B4GALNT3: variants seen among roughly 807,000 people sequenced by gnomAD.
The protein encoded by B4GALNT3 is beta-1,4-N-acetylgalactosaminyltransferase 3.
Under a neutral mutation model 120.2 loss-of-function variants are expected in B4GALNT3, and 86 were observed. The observed-to-expected ratio is 0.72, with a 90% CI of 0.60 to 0.86. The LOEUF (loss-of-function observed/expected upper bound fraction) is 0.86. Ranked by LOEUF, B4GALNT3 falls within the 40% of genes least tolerant of loss-of-function variation. The pLI is 0.00. For missense variants in B4GALNT3, 1,167 were observed against 1,298.9 expected (o/e 0.90, Z 1.56); for synonymous variants, 518 against 510.4 (o/e 1.01, Z -0.20).
At chr12:508,899 G>A (rs1197262378) in intron 1 of B4GALNT3, among the ~76,000 whole-genome samples, 1 of 152,220 alleles carries the variant, frequency 6.6e-6, no homozygotes, top group Admixed American at 6.5e-5. Flanking sequence ...GGGAACCAGG[G>A]TCTTTTCCTC....
At chr12:537,963 T>C (rs1355317512) in intron 3 of B4GALNT3, among the ~76,000 whole-genome samples, 1 of 152,148 alleles carries the variant, frequency 6.6e-6, no homozygotes, top group Non-Finnish European at 1.5e-5. Context: ...TGGGAGAGGA[T>C]GGATTACAAT....
intron 1 of B4GALNT3, among the ~76,000 whole-genome samples, chr12:462,563 A>G (rs971339462): frequency 6.6e-6 from 1 of 151,626 alleles, no homozygotes; most frequent in African/African-American, 2.4e-5. Flanking sequence ...TTCCAAACCA[A>G]TTATCCAGAA....
At chr12:557,539 G>A (rs879879604) in intron 15 of B4GALNT3, 69 bp from the exon 16 acceptor site, 1 of 1,519,444 alleles carries the variant, frequency 6.6e-7, no homozygotes. Flanking sequence ...GGAGCTGGGG[G>A]TGGAGGCGCT....
rs766741549 is a variant in B4GALNT3, at chr12:557,595, C to A, written c.2381-13C>A. 2 of 1,602,352 alleles carry A rather than the reference C, an allele frequency of 1.2e-6. No individual in the cohort carries two copies. Among genetic ancestry groups the A allele is most frequent in the South Asian group, 1.1e-5 (1 of 89,400 alleles). On this transcript the variant is annotated splice_polypyrimidine_tract_variant and intron_variant, in intron 15 of 19. Coordinates refer to ENST00000266383, the MANE Select transcript of B4GALNT3 (RefSeq NM_173593.4). ...GTCTGTGTTTCCTTCTCCTGCCTGA[C>A]CCCCTGGGGTAGTGAAGAACCAGGC...
intron 1 of B4GALNT3, among the ~76,000 whole-genome samples, chr12:489,226 C>T (rs1946318672): frequency 6.6e-6 from 1 of 150,838 alleles, no homozygotes. Flanking sequence ...GTATGCAGGG[C>T]TTAAAATCTA....
At chr12:468,840 G>C (rs948653685) in intron 1 of B4GALNT3, among the ~76,000 whole-genome samples, 1 of 152,298 alleles carries the variant, frequency 6.6e-6, no homozygotes, top group Non-Finnish European at 1.5e-5. Flanking sequence ...CAGAGGCTAT[G>C]TGTGTGTCTC....
intron 19 of B4GALNT3, among the ~76,000 whole-genome samples, chr12:560,027 G>C (rs1947209378): frequency 6.6e-6 from 1 of 152,222 alleles, no homozygotes; most frequent in Non-Finnish European, 1.5e-5. Context: ...AGGTGGACAA[G>C]GAGAGCAAGA....
At chr12:481,571 C>A (rs1322985650) in intron 1 of B4GALNT3, among the ~76,000 whole-genome samples, 1 of 152,228 alleles carries the variant, frequency 6.6e-6, no homozygotes, top group African/African-American at 2.4e-5. Flanking sequence ...TGAGGCCAGG[C>A]AGACAGGCCC....
chr12:536,534 G>A (rs978359582), intron 3 of B4GALNT3, among the ~76,000 whole-genome samples: 2 of 152,218 alleles, frequency 1.3e-5, no homozygotes, highest in African/African-American at 4.8e-5. Context: ...TGTTTTTAGA[G>A]AAGGGGTCTC....
chr12:514,739 A>T (rs1946635633), intron 1 of B4GALNT3, among the ~76,000 whole-genome samples: 1 of 152,072 alleles, frequency 6.6e-6, no homozygotes, highest in South Asian at 2.1e-4. Flanking sequence ...TTAAGAACAC[A>T]AATTCTGGGC....
Position 561,646 on chromosome 12 carries a change from C to G in B4GALNT3, c.*195C>G. On this transcript the variant is annotated 3_prime_UTR_variant, in exon 20 of 20. Transcript: ENST00000266383. ...GGGCTCCTGTCTCTGCCTCCTGGGC[C>G]TTCAGAAGGGAGGACTTTGAGAGAG... 4 of 570,538 alleles carry G rather than the reference C, an allele frequency of 7.0e-6. No homozygotes were observed. In the East Asian group the frequency reaches 1.2e-4, roughly 16 times the overall value. The allele number at this position is 570,538 out of a possible 1,614,324, so 35.3% of individuals were successfully genotyped here.
chr12:538,492 A>G (rs950487812), intron 3 of B4GALNT3, among the ~76,000 whole-genome samples: 1 of 150,786 alleles, frequency 6.6e-6, no homozygotes. Context: ...GTAGGCAGTT[A>G]AGGCTTCAGT....
At chr12:526,161 AATGTCTCC>A (rs1946757356) in intron 1 of B4GALNT3, among the ~76,000 whole-genome samples, 1 of 152,130 alleles carries the variant, frequency 6.6e-6, no homozygotes, top group Non-Finnish European at 1.5e-5. Context: ...GGTGGAGCTG[AATGTCTCC>A]ATTGGTGCTT....
intron 1 of B4GALNT3, among the ~76,000 whole-genome samples, chr12:469,917 G>A (rs1946118902): frequency 6.6e-6 from 1 of 152,136 alleles, no homozygotes; most frequent in South Asian, 2.1e-4. Context: ...CTTCCAAAGT[G>A]CTGAGATTAC....
Position 547,976 on chromosome 12 carries a change from A to G in B4GALNT3, c.708-48A>G, listed in dbSNP as rs1405383595. The G allele has an allele frequency of 2.6e-6, 4 of 1,539,866 alleles. No individual in the cohort carries two copies. The African/African-American group carries it at 5.5e-5, about 21-fold the overall frequency. On this transcript the variant is annotated intron_variant, in intron 7 of 19. Coordinates refer to ENST00000266383, the MANE Select transcript of B4GALNT3 (RefSeq NM_173593.4). ...GGGGGTGGGACAGAGCCGCGACCCC[A>G]GGGCCCATGGAGATGGCGCTCTGCT...
chr12:460,976 G>GCGCGCTCCAGTC lies in B4GALNT3; in HGVS notation c.169+437_169+448dup, dbSNP rs1300268057. On this transcript the variant is annotated intron_variant, in intron 1 of 19. Transcript: ENST00000266383. The surrounding 1 kb of genome is among the most constrained non-coding windows in gnomAD (Gnocchi z 8.0). ...TGCCCTCGGCCGTCCACACCCAGGC[G>GCGCGCTCCAGTC]CGCGCTCCAGTCCGCGCAGCCCAAA... 6.6e-6 allele frequency among the ~76,000 whole-genome samples: 1 copy of GCGCGCTCCAGTC among 152,154 alleles called. No homozygotes were observed. The highest frequency in any genetic ancestry group is 1.5e-5 in the Non-Finnish European group (1 of 68,016).
At chr12:535,340 C>T (rs912324608) in intron 2 of B4GALNT3, 71 bp downstream of exon 2, 65 of 1,334,142 alleles carry the variant, frequency 4.9e-5, no homozygotes, top group Non-Finnish European at 3.2e-5. Context: ...TGCCCAGTTG[C>T]CTTAAGGGTA....
intron 1 of B4GALNT3, among the ~76,000 whole-genome samples, chr12:482,782 G>GC (rs1453847622): frequency 6.6e-6 from 1 of 152,172 alleles, no homozygotes; most frequent in Non-Finnish European, 1.5e-5. Context: ...GTTCACTTGA[G>GC]CCCAGGGGTT....
Position 479,082 on chromosome 12 carries a change from T to G in B4GALNT3, c.169+18537T>G, listed in dbSNP as rs530985577. Among the ~76,000 whole-genome samples the G allele has an allele frequency of 2.1e-3, 315 of 152,254 alleles. 1 individual carries two copies. The highest frequency in any genetic ancestry group is 7.1e-3 in the African/African-American group (293 of 41,558). ...ATTAAGTCCTGAAGGAATCAAGGCTTCTGACTCAGCTCCAGGTAGGGGATG... is the reference window on the plus strand; with the variant it reads ...ATTAAGTCCTGAAGGAATCAAGGCTGCTGACTCAGCTCCAGGTAGGGGATG... On this transcript the variant is annotated intron_variant, in intron 1 of 19. Coordinates refer to ENST00000266383, the MANE Select transcript of B4GALNT3 (RefSeq NM_173593.4).
Sources: allele counts gnomAD v4.1 joint callset (sites outside exome capture counted in the v4.1 genomes callset), GRCh38; gene constraint gnomAD v4.1.1; non-coding constraint Gnocchi (gnomAD v3.1); transcripts MANE v1.5; gene names NCBI Gene and HGNC (gene_info 2026-07-23, HGNC 2026-07-21).